Variants in LARGE1 observed in about 807,000 individuals in gnomAD.
The protein encoded by LARGE1 is LARGE xylosyl- and glucuronyltransferase 1.
In LARGE1, 43 loss-of-function variants were observed where a neutral mutation model predicts 87.6. The ratio of observed to expected loss-of-function variants is 0.49; its 90% confidence interval spans 0.38 to 0.63. LARGE1 has a LOEUF of 0.63. Ranked by LOEUF, LARGE1 falls within the 30% of genes least tolerant of loss-of-function variation. The pLI, the probability that LARGE1 is intolerant of heterozygous loss-of-function variation, is 0.00. For synonymous variants in LARGE1, 434 were observed against 394.6 expected (o/e 1.10, Z -1.18); for missense variants, 802 against 1,000.2 (o/e 0.80, Z 2.67).
chr22:33,155,645 G>C, the LARGE1 span, among the ~76,000 whole-genome samples: 1 of 152,174 alleles, frequency 6.6e-6, no homozygotes, highest in Non-Finnish European at 1.5e-5. Flanking sequence ...TTTTCAACCT[G>C]ACAATGCGAT....
chr22:33,121,671 G>A, the LARGE1 span, among the ~76,000 whole-genome samples: 4 of 152,156 alleles, frequency 2.6e-5, no homozygotes, highest in Non-Finnish European at 4.4e-5. Flanking sequence ...GCCTTGTGGG[G>A]AGATACCCAG....
At chr22:33,828,914 T>G (rs62227789) in intron 1 of LARGE1, among the ~76,000 whole-genome samples, 10,949 of 152,136 alleles carry the variant, frequency 0.072, 505 homozygotes, top group Admixed American at 0.098. Flanking sequence ...TGGAATGTTC[T>G]TCCTCAATTA....
At chr22:33,334,186 G>A (rs988488666) in intron 10 of LARGE1, among the ~76,000 whole-genome samples, 1 of 151,964 alleles carries the variant, frequency 6.6e-6, no homozygotes, top group East Asian at 1.9e-4. Context: ...GCCGAGGCAG[G>A]TGGATCATGA....
At chr22:33,323,676 T>A (rs1346258334) in intron 10 of LARGE1, among the ~76,000 whole-genome samples, 1 of 152,242 alleles carries the variant, frequency 6.6e-6, no homozygotes, top group East Asian at 1.9e-4. Flanking sequence ...CACATTATAA[T>A]GTTAACAAAG....
chr22:33,714,595 A>C (rs1363381022), intron 2 of LARGE1, among the ~76,000 whole-genome samples: 1 of 152,240 alleles, frequency 6.6e-6, no homozygotes, highest in Non-Finnish European at 1.5e-5. Flanking sequence ...CAATTGAAGG[A>C]AGGAAAAACA....
chr22:33,132,298 C>A, the LARGE1 span, among the ~76,000 whole-genome samples: 1 of 151,974 alleles, frequency 6.6e-6, no homozygotes, highest in Non-Finnish European at 1.5e-5. Context: ...ATCCTCCCCC[C>A]TCAGCCTCCC....
chr22:33,200,333 GA>G (rs1377719787), intron 11 of LARGE1, among the ~76,000 whole-genome samples: 1 of 152,148 alleles, frequency 6.6e-6, no homozygotes, highest in African/African-American at 2.4e-5. Flanking sequence ...ATATCAAAGA[GA>G]AAATGACAAG....
chr22:33,741,588 T>C (rs1420289158), intron 2 of LARGE1, among the ~76,000 whole-genome samples: 4 of 152,216 alleles, frequency 2.6e-5, no homozygotes, highest in African/African-American at 9.6e-5. Flanking sequence ...CCAACACCGC[T>C]GGGCTTGGAG....
intron 6 of LARGE1, among the ~76,000 whole-genome samples, chr22:33,474,671 T>C (rs2068996502): frequency 6.6e-6 from 1 of 152,214 alleles, no homozygotes; most frequent in Admixed American, 6.5e-5. Context: ...AGCCTCACCT[T>C]GAACATCTGC....
At chr22:33,455,027 A>G (rs2068077460) in intron 6 of LARGE1, among the ~76,000 whole-genome samples, 1 of 152,208 alleles carries the variant, frequency 6.6e-6, no homozygotes, top group Non-Finnish European at 1.5e-5. Flanking sequence ...ATCCACAGAT[A>G]AGGACTCTCT....
chr22:33,758,187 G>A (rs914869743), intron 2 of LARGE1, among the ~76,000 whole-genome samples: 8 of 152,142 alleles, frequency 5.3e-5, no homozygotes, highest in African/African-American at 1.7e-4. Flanking sequence ...TCTTTCAGGG[G>A]ACAGCCCTTT....
At chr22:33,503,382 G>A (rs370436376) in intron 6 of LARGE1, among the ~76,000 whole-genome samples, 7 of 150,202 alleles carry the variant, frequency 4.7e-5, no homozygotes, top group East Asian at 2.0e-4. Context: ...TCAGCCTCCC[G>A]AGTAGCTGGG....
rs188411655 is a variant in LARGE1, at chr22:33,514,330, A to G, written c.787+50518T>C. 4.8e-3 allele frequency among the ~76,000 whole-genome samples: 737 copies of G among 152,276 alleles called. 4 individuals carry two copies. Among genetic ancestry groups the G allele is most frequent in the African/African-American group, 0.017 (687 of 41,542 alleles). On this transcript the variant is annotated intron_variant, in intron 6 of 14. Transcript: ENST00000397394. ...CGATGATGCACAGTTATGCCTGCAT[A>G]TGTGTGTATATATATATTCATAGAC...
chr22:33,346,460 G>A (rs1939774370), intron 9 of LARGE1, among the ~76,000 whole-genome samples: 2 of 151,984 alleles, frequency 1.3e-5, no homozygotes, highest in Non-Finnish European at 2.9e-5. Flanking sequence ...GCGCCGCCAC[G>A]CCTGGCTATG....
At chr22:33,227,185 A>C (rs1265689955) in intron 11 of LARGE1, among the ~76,000 whole-genome samples, 1 of 152,204 alleles carries the variant, frequency 6.6e-6, no homozygotes, top group Non-Finnish European at 1.5e-5. Context: ...TTTGACAGAC[A>C]AAGACACTGA....
At chr22:33,419,213 C>T (rs1222411143) in intron 7 of LARGE1, among the ~76,000 whole-genome samples, 1 of 152,006 alleles carries the variant, frequency 6.6e-6, no homozygotes, top group African/African-American at 2.4e-5. Flanking sequence ...GGAGAACTCA[C>T]TATCACAAGT....
At chr22:33,102,022 T>C in the LARGE1 span, among the ~76,000 whole-genome samples, 2 of 152,304 alleles carry the variant, frequency 1.3e-5, no homozygotes, top group African/African-American at 4.8e-5. Flanking sequence ...TGTGATTCTT[T>C]CCTGCCTCTT....
chr22:33,192,405 T>G (rs1357171165), intron 11 of LARGE1, among the ~76,000 whole-genome samples: 2 of 152,216 alleles, frequency 1.3e-5, no homozygotes, highest in African/African-American at 4.8e-5. Context: ...TTGATTTGCA[T>G]TTCCCAGATG....
At chr22:33,905,738 A>C (rs1366118240) in intron 1 of LARGE1, among the ~76,000 whole-genome samples, 1 of 152,198 alleles carries the variant, frequency 6.6e-6, no homozygotes, top group East Asian at 1.9e-4. Flanking sequence ...TACCAATTTC[A>C]AATAGTCCCT....
Sources: allele counts gnomAD v4.1 joint callset (sites outside exome capture counted in the v4.1 genomes callset), GRCh38; gene constraint gnomAD v4.1.1; transcripts MANE v1.5; gene names NCBI Gene and HGNC (gene_info 2026-07-23, HGNC 2026-07-21).